The following ISG20 variants were observed in gnomAD, a reference collection of about 807,000 sequenced individuals.
The protein encoded by ISG20 is interferon stimulated exonuclease gene 20, also known as interferon-stimulated gene 20 kDa protein.
ISG20 carries 8 observed loss-of-function variants against 11.1 expected under a neutral mutation model. That is an observed-to-expected ratio of 0.72 (90% CI 0.42 to 1.30). The LOEUF is 1.30. ISG20 is among the 50% of genes most tolerant of loss of function. ISG20 has a pLI of 0.01. For missense variants in ISG20, 243 were observed against 250.2 expected (o/e 0.97, Z 0.19); for synonymous variants, 110 against 101.7 (o/e 1.08, Z -0.49).
chr15:88,651,748 G>T, intron 2 of ISG20: 1 of 1,052,894 alleles, frequency 9.5e-7, no homozygotes, highest in East Asian at 7.5e-5. Flanking sequence ...TCTTTGGGAG[G>T]TCATTATTCT....
At position 88,655,404 on chromosome 15, in the gene ISG20, T is replaced by G; in HGVS notation, c.430-11T>G. 1 of 1,612,608 alleles carries G rather than the reference T, an allele frequency of 6.2e-7. No individual in the cohort carries two copies. Among genetic ancestry groups the G allele is most frequent in the Non-Finnish European group, 8.5e-7 (1 of 1,178,798 alleles). ...TCATCCCAAGTCCCCACTCTATACTTGTGTCTGCAGAACAGCCTGCTTGGA... is the reference window on the plus strand; with the variant it reads ...TCATCCCAAGTCCCCACTCTATACTGGTGTCTGCAGAACAGCCTGCTTGGA... On this transcript the variant is annotated splice_polypyrimidine_tract_variant and intron_variant, in intron 3 of 3. Coordinates refer to ENST00000306072, the MANE Select transcript of ISG20 (RefSeq NM_002201.6).
At chr15:88,646,049 G>A (rs570897371) in intron 2 of ISG20, among the ~76,000 whole-genome samples, 4 of 152,362 alleles carry the variant, frequency 2.6e-5, no homozygotes, top group African/African-American at 9.6e-5. Flanking sequence ...CTGTTGAGAT[G>A]TGGTGATGCA....
chr15:88,635,738 T>C (rs1254801097), upstream of ISG20, among the ~76,000 whole-genome samples: 1 of 152,058 alleles, frequency 6.6e-6, no homozygotes, highest in East Asian at 1.9e-4. Context: ...ATAATAGATG[T>C]GCATATTTTA....
chr15:88,651,158 T>C (rs2058267358), intron 2 of ISG20: 1 of 974,948 alleles, frequency 1.0e-6, no homozygotes. Flanking sequence ...TGATTCCATC[T>C]TTTTTAAGAA....
At chr15:88,644,919 A>T (rs2058145289) in intron 2 of ISG20, among the ~76,000 whole-genome samples, 1 of 152,224 alleles carries the variant, frequency 6.6e-6, no homozygotes, top group African/African-American at 2.4e-5. Flanking sequence ...GTCCCTGTAC[A>T]TCCAGACCTG....
chr15:88,654,910 TCA>T (rs1231927614), intron 3 of ISG20, among the ~76,000 whole-genome samples: 1 of 152,100 alleles, frequency 6.6e-6, no homozygotes, highest in Non-Finnish European at 1.5e-5. Context: ...ACACCACCTT[TCA>T]CACACCCCCT....
intron 2 of ISG20, chr15:88,651,378 G>A (rs965094788): frequency 6.1e-6 from 5 of 814,524 alleles, no homozygotes; most frequent in Admixed American, 1.2e-4. Flanking sequence ...CTGTAGTTTC[G>A]AAGTTCAGCG....
chr15:88,635,914 A>G (rs924740012), upstream of ISG20, among the ~76,000 whole-genome samples: 7 of 152,212 alleles, frequency 4.6e-5, no homozygotes, highest in Admixed American at 4.6e-4. Flanking sequence ...ATTGAAAAAA[A>G]ATCTGCATGT....
intron 3 of ISG20, among the ~76,000 whole-genome samples, chr15:88,652,645 C>T (rs2058306969): frequency 7.6e-6 from 1 of 131,852 alleles, no homozygotes; most frequent in Non-Finnish European, 1.6e-5. Flanking sequence ...CTTTCCTCCT[C>T]CTCCCTCATG....
intron 3 of ISG20, among the ~76,000 whole-genome samples, chr15:88,652,931 C>G (rs1417487439): frequency 6.6e-6 from 1 of 151,854 alleles, no homozygotes; most frequent in Admixed American, 6.6e-5. Context: ...TTCCCATCAG[C>G]CACCAGCTGC....
In ISG20 at chr15:88,643,378, C is replaced by T. The variant is rs375869411; in HGVS notation, c.228+3784C>T. Reference sequence around the variant, plus strand: ...ATTAATTTCACCTATTTACTTTTTACGTTTTGAAACATGGCTGTTGGGTGA... The same window carrying T: ...ATTAATTTCACCTATTTACTTTTTATGTTTTGAAACATGGCTGTTGGGTGA... On this transcript the variant is annotated intron_variant, in intron 2 of 3. Transcript: ENST00000306072. This position sits in a 1 kb window ranked among gnomAD's most constrained non-coding sequence, Gnocchi z 4.4. Among the ~76,000 whole-genome samples the T allele has an allele frequency of 2.0e-5, 3 of 152,060 alleles. No homozygotes were observed. The highest frequency in any genetic ancestry group is 6.6e-5 in the Admixed American group (1 of 15,260).
chr15:88,654,195 G>A (rs79829567), intron 3 of ISG20, among the ~76,000 whole-genome samples: 52 of 152,294 alleles, frequency 3.4e-4, no homozygotes, highest in Non-Finnish European at 6.0e-4. Context: ...ATAGAGCAGA[G>A]TGGTAGAACA....
rs201468075 is a variant in ISG20 at position 88,652,307 on chromosome 15, C to A, written c.426C>A (p.Ile142=). The change falls in exon 3 of 4, where the codon ATC becomes ATA. Residue 142 remains isoleucine, a synonymous_variant. Coordinates refer to ENST00000306072, the MANE Select transcript of ISG20 (RefSeq NM_002201.6). ...VLSERLLHKS[I]QNSLLGHSSV... is the part of the protein sequence containing the mutation. ...GTGAGCGCCTCCTACACAAGAGCAT[C>A]CAGGTGAGAACCTCCTCGTCCTTCT... 9.0e-5 allele frequency: 145 copies of A among 1,611,772 alleles called. No individual in the cohort carries two copies. The Admixed American group carries it at 2.1e-3, about 24-fold the overall frequency.
intron 3 of ISG20, among the ~76,000 whole-genome samples, chr15:88,654,823 C>A (rs544260042): frequency 1.3e-5 from 2 of 152,304 alleles, no homozygotes; most frequent in East Asian, 3.9e-4. Flanking sequence ...TCCCATAGCA[C>A]TACCCCATAA....
Position 88,639,483 on chromosome 15 carries a change from C to A in ISG20, c.117C>A (p.Tyr39Ter). 6.2e-7 allele frequency: 1 copy of A among 1,614,124 alleles called. No individual in the cohort carries two copies. Among genetic ancestry groups the A allele is most frequent in the Non-Finnish European group, 8.5e-7 (1 of 1,180,030 alleles). ...SLVNVHGAVL[Y>*]DKFIRPEGEI... Reference sequence around the variant, plus strand: ...TGAACGTCCACGGTGCTGTGCTGTACGACAAGTTCATCCGGCCTGAGGGAG... The same window carrying A: ...TGAACGTCCACGGTGCTGTGCTGTAAGACAAGTTCATCCGGCCTGAGGGAG... Residue 39 changes from tyrosine to a stop codon, truncating the protein, a stop_gained, in exon 2 of 4, where the codon TAC (tyrosine) becomes TAA (stop). Transcript: ENST00000306072. LOFTEE classifies it high-confidence loss of function. This position sits in a 1 kb window ranked among gnomAD's most constrained non-coding sequence, Gnocchi z 4.2.
chr15:88,641,797 A>G (rs1232751249), intron 2 of ISG20, among the ~76,000 whole-genome samples: 2 of 151,646 alleles, frequency 1.3e-5, no homozygotes, highest in African/African-American at 2.4e-5. Context: ...ACACCCAGCT[A>G]ATTTTTGTAT....
At position 88,639,111 on chromosome 15, in the gene ISG20, C is replaced by A; in HGVS notation, c.-25+35C>A. ...GGAGCTGGAGCAGCAGCTGGGGAGGCAGCGGGAGGGGCCTTCCCGGTCCCC... is the reference window on the plus strand; with the variant it reads ...GGAGCTGGAGCAGCAGCTGGGGAGGAAGCGGGAGGGGCCTTCCCGGTCCCC... On this transcript the variant is annotated intron_variant, in intron 1 of 3. Transcript: ENST00000306072. The surrounding 1 kb of genome is among the most constrained non-coding windows in gnomAD (Gnocchi z 4.2). The A allele has an allele frequency of 1.8e-6, 1 of 554,564 alleles. No homozygotes were observed. The highest frequency in any genetic ancestry group is 3.2e-6 in the Non-Finnish European group (1 of 312,306). 34.4% of individuals were successfully genotyped at this position (554,564 alleles called of 1,614,324 possible).
upstream of ISG20, among the ~76,000 whole-genome samples, chr15:88,638,134 A>C (rs1158838802): frequency 2.0e-5 from 3 of 152,224 alleles, no homozygotes; most frequent in Non-Finnish European, 4.4e-5. Context: ...GGAGGCAGTC[A>C]GATTGGAGGG....
rs2058038862 is a variant in ISG20, at chr15:88,639,306, C to T, written c.-24-37C>T. 7.3e-7 allele frequency: 1 copy of T among 1,371,530 alleles called. No homozygotes were observed. The highest frequency in any genetic ancestry group is 1.0e-6 in the Non-Finnish European group (1 of 1,000,272). 85.0% of individuals were successfully genotyped at this position (1,371,530 alleles called of 1,614,324 possible). On this transcript the variant is annotated intron_variant, in intron 1 of 3. Coordinates refer to ENST00000306072, the MANE Select transcript of ISG20 (RefSeq NM_002201.6). The surrounding 1 kb of genome is among the most constrained non-coding windows in gnomAD (Gnocchi z 4.2). ...GAGGACACCTGGAGGCTTGGTTTGCCCAAGCGTGAGACCGCCCCCCATACC... is the reference window on the plus strand; with the variant it reads ...GAGGACACCTGGAGGCTTGGTTTGCTCAAGCGTGAGACCGCCCCCCATACC...
Sources: allele counts gnomAD v4.1 joint callset (sites outside exome capture counted in the v4.1 genomes callset), GRCh38; gene constraint gnomAD v4.1.1; non-coding constraint Gnocchi (gnomAD v3.1); transcripts MANE v1.5; gene names NCBI Gene and HGNC (gene_info 2026-07-23, HGNC 2026-07-21).